LMAN2L: variants seen among roughly 807,000 people sequenced by gnomAD.
LMAN2L encodes lectin, mannose binding 2 like, also known as VIP36-like protein.
A neutral mutation model predicts 44.3 loss-of-function variants in LMAN2L; 30 were observed. The ratio of observed to expected loss-of-function variants is 0.68; its 90% confidence interval spans 0.51 to 0.92. The LOEUF is 0.92. Ranked by LOEUF, LMAN2L falls within the 40% of genes least tolerant of loss-of-function variation. The pLI is 0.00. For missense variants in LMAN2L, 429 were observed against 446.1 expected (o/e 0.96, Z 0.35); for synonymous variants, 183 against 171.1 (o/e 1.07, Z -0.54).
intron 4 of LMAN2L, among the ~76,000 whole-genome samples, chr2:96,721,642 C>G (rs954702729): frequency 6.6e-5 from 10 of 151,550 alleles, no homozygotes; most frequent in Non-Finnish European, 1.5e-4. Context: ...CTGGGACCAG[C>G]TAATTTTTTT....
At chr2:96,714,589 T>C (rs2077995570) in intron 4 of LMAN2L, among the ~76,000 whole-genome samples, 1 of 152,182 alleles carries the variant, frequency 6.6e-6, no homozygotes, top group African/African-American at 2.4e-5. Context: ...ATAATTTCAG[T>C]GACAATTAAG....
chr2:96,711,637 A>G lies in LMAN2L; in HGVS notation c.784+19T>C. 2 of 1,555,768 alleles carry G rather than the reference A, an allele frequency of 1.3e-6. No individual in the cohort carries two copies. Among genetic ancestry groups the G allele is most frequent in the South Asian group, 1.1e-5 (1 of 89,882 alleles). ...AAGAGGCCTCAGTCAGGGCAAACCAAGAGTGCGCGTGGCAGTACCTGAGAG... is the reference window on the plus strand; with the variant it reads ...AAGAGGCCTCAGTCAGGGCAAACCAGGAGTGCGCGTGGCAGTACCTGAGAG... On this transcript the variant is annotated intron_variant, in intron 6 of 7. Coordinates refer to ENST00000264963, the MANE Select transcript of LMAN2L (RefSeq NM_030805.4).
chr2:96,722,181 A>G (rs1388504842), intron 4 of LMAN2L, among the ~76,000 whole-genome samples: 2 of 150,976 alleles, frequency 1.3e-5, no homozygotes, highest in East Asian at 4.0e-4. Context: ...TGTTAGCCAG[A>G]ATGGCCTCAA....
chr2:96,707,522 C>T (rs747798154), intron 7 of LMAN2L, 124 bp from the exon 8 acceptor site: 4 of 1,281,540 alleles, frequency 3.1e-6, no homozygotes, highest in Admixed American at 5.3e-5. Context: ...AGCTTAGACC[C>T]CCTCTTTCCA....
intron 4 of LMAN2L, among the ~76,000 whole-genome samples, chr2:96,718,395 T>C (rs1025930298): frequency 6.6e-6 from 1 of 152,250 alleles, no homozygotes; most frequent in Non-Finnish European, 1.5e-5. Context: ...TTTAAAAAGG[T>C]TTTAAAAACA....
At chr2:96,727,936 A>G (rs1261279831) in intron 4 of LMAN2L, among the ~76,000 whole-genome samples, 1 of 152,228 alleles carries the variant, frequency 6.6e-6, no homozygotes, top group Non-Finnish European at 1.5e-5. Flanking sequence ...CAAGTTCTGT[A>G]ACCTTTCTAC....
chr2:96,720,370 C>T (rs919147011), intron 4 of LMAN2L, among the ~76,000 whole-genome samples: 3 of 152,270 alleles, frequency 2.0e-5, no homozygotes, highest in South Asian at 2.1e-4. Context: ...AAGATTGCTA[C>T]TGACTTCCCT....
chr2:96,732,028 T>A (rs1428830403), intron 4 of LMAN2L, among the ~76,000 whole-genome samples: 1 of 152,008 alleles, frequency 6.6e-6, no homozygotes, highest in Non-Finnish European at 1.5e-5. Context: ...AATTTTTGTA[T>A]TTTTAGTGGA....
chr2:96,713,683 G>A (rs1390826513), intron 4 of LMAN2L, among the ~76,000 whole-genome samples: 2 of 152,192 alleles, frequency 1.3e-5, no homozygotes, highest in Non-Finnish European at 2.9e-5. Flanking sequence ...GAGAGACTAT[G>A]AAACTAACTC....
intron 4 of LMAN2L, among the ~76,000 whole-genome samples, chr2:96,725,504 G>A (rs1269219363): frequency 4.0e-5 from 6 of 150,134 alleles, no homozygotes; most frequent in Admixed American, 6.6e-5. Flanking sequence ...GTGCAGTGGC[G>A]TAATCTTGGC....
At chr2:96,710,659 T>C (rs1240360336) in intron 6 of LMAN2L, among the ~76,000 whole-genome samples, 2 of 137,840 alleles carry the variant, frequency 1.5e-5, no homozygotes, top group Non-Finnish European at 3.3e-5. Context: ...CGAGACTCCA[T>C]ATATATATAT....
intron 2 of LMAN2L, 106 bp from the exon 3 acceptor site, chr2:96,734,632 T>C (rs2078476597): frequency 1.4e-6 from 1 of 738,668 alleles, no homozygotes. Context: ...CAGGTAACAC[T>C]AGACTAAGGG....
intron 4 of LMAN2L, among the ~76,000 whole-genome samples, chr2:96,731,270 G>C (rs1319141047): frequency 1.3e-5 from 2 of 152,182 alleles, no homozygotes. Flanking sequence ...ATGAAGAACA[G>C]CCCAGAAGGA....
In LMAN2L at chr2:96,723,039, G is replaced by C. The variant is rs145196704; in HGVS notation, c.507+10480C>G. Among the ~76,000 whole-genome samples the C allele has an allele frequency of 8.7e-3, 1,329 of 152,132 alleles. 11 individuals are homozygous for C. The highest frequency in any genetic ancestry group is 0.014 in the Non-Finnish European group (919 of 67,980). On this transcript the variant is annotated intron_variant, in intron 4 of 7. Coordinates refer to ENST00000264963, the MANE Select transcript of LMAN2L (RefSeq NM_030805.4). ...CATCTCAAAAAAAAAAAAGTTTTGT[G>C]TAGATGTTTTCATTTCTCTTAGGTA...
chr2:96,728,497 C>G (rs1399023313), intron 4 of LMAN2L, among the ~76,000 whole-genome samples: 3 of 132,664 alleles, frequency 2.3e-5, no homozygotes, highest in Non-Finnish European at 4.8e-5. Context: ...CAGAGCAAGA[C>G]TCCGTCTCAA....
chr2:96,713,411 T>G (rs1232676552), intron 4 of LMAN2L, among the ~76,000 whole-genome samples: 1 of 152,070 alleles, frequency 6.6e-6, no homozygotes, highest in Non-Finnish European at 1.5e-5. Flanking sequence ...AGGGGTCCCC[T>G]AGGAAGACCG....
At chr2:96,720,180 A>T (rs1018358843) in intron 4 of LMAN2L, among the ~76,000 whole-genome samples, 9 of 152,186 alleles carry the variant, frequency 5.9e-5, no homozygotes, top group Non-Finnish European at 1.5e-5. Context: ...CCTCAAAAAC[A>T]ACTCCCAAGC....
In LMAN2L at chr2:96,707,413, G is replaced by C; in HGVS notation, c.905-15C>G. ...TGGAGCTGTCACTGAGGAAGCAAGA[G>C]AGAAGCAAGTCAGAAAACAGGGAGC... On this transcript the variant is annotated splice_polypyrimidine_tract_variant and intron_variant, in intron 7 of 7. Coordinates refer to ENST00000264963, the MANE Select transcript of LMAN2L (RefSeq NM_030805.4). 6.2e-7 allele frequency: 1 copy of C among 1,605,328 alleles called. No homozygotes were observed. The highest frequency in any genetic ancestry group is 8.5e-7 in the Non-Finnish European group (1 of 1,176,010).
At chr2:96,721,067 T>G (rs1311927732) in intron 4 of LMAN2L, among the ~76,000 whole-genome samples, 1 of 152,036 alleles carries the variant, frequency 6.6e-6, no homozygotes, top group African/African-American at 2.4e-5. Context: ...CCACAACCAA[T>G]TTTAAAACAT....
Sources: gnomAD v4.1 joint callset for allele counts (sites outside exome capture counted in the v4.1 genomes callset) on GRCh38, gnomAD v4.1.1 for gene constraint, MANE v1.5 for transcripts, NCBI Gene and HGNC (gene_info 2026-07-23, HGNC 2026-07-21) for gene names.